ITSN2: variants seen among roughly 807,000 people sequenced by gnomAD.
The protein encoded by ITSN2 is intersectin-2.
In ITSN2, 156 loss-of-function variants were observed where a neutral mutation model predicts 243.7. The ratio of observed to expected loss-of-function variants is 0.64; its 90% confidence interval spans 0.56 to 0.73. The LOEUF is 0.73. ITSN2 is among the 30% of genes least tolerant of loss of function. The pLI is 0.00. For missense variants in ITSN2, 1,801 were observed against 1,996.1 expected (o/e 0.90, Z 1.86); for synonymous variants, 703 against 699.9 (o/e 1.00, Z -0.07).
intron 2 of ITSN2, among the ~76,000 whole-genome samples, chr2:24,319,445 C>T (rs779694304): frequency 2.6e-5 from 4 of 152,160 alleles, no homozygotes; most frequent in Non-Finnish European, 1.5e-5. Context: ...AGTCTGCCAT[C>T]CCCCATCAGG....
intron 37 of ITSN2, chr2:24,205,557 T>C: frequency 2.4e-6 from 1 of 423,834 alleles, no homozygotes; most frequent in Non-Finnish European, 4.5e-6. Flanking sequence ...TGATCCCACA[T>C]CTACCTCCCA....
intron 8 of ITSN2, among the ~76,000 whole-genome samples, chr2:24,307,047 G>C (rs1682644083): frequency 6.6e-6 from 1 of 152,092 alleles, no homozygotes; most frequent in African/African-American, 2.4e-5. Context: ...CTCATGATCT[G>C]TCTGCCCCAG....
At chr2:24,349,802 T>C (rs115971800) in intron 1 of ITSN2, among the ~76,000 whole-genome samples, 242 of 152,312 alleles carry the variant, frequency 1.6e-3, no homozygotes, top group Middle Eastern at 3.4e-3. Context: ...ATTGTAGCAA[T>C]GTAACAAGTA....
At chr2:24,342,899 TGG>T (rs1205212204) in intron 1 of ITSN2, among the ~76,000 whole-genome samples, 1 of 151,848 alleles carries the variant, frequency 6.6e-6, no homozygotes. Flanking sequence ...AAGACCAGCC[TGG>T]GCAACACAGT....
At chr2:24,288,639 ATACT>A (rs982600746) in intron 15 of ITSN2, among the ~76,000 whole-genome samples, 5 of 152,154 alleles carry the variant, frequency 3.3e-5, no homozygotes, top group African/African-American at 1.2e-4. Flanking sequence ...TTAACCTCAC[ATACT>A]TACCTCACAT....
chr2:24,311,659 T>G (rs915609359), intron 5 of ITSN2: 1 of 167,058 alleles, frequency 6.0e-6, no homozygotes, highest in Non-Finnish European at 1.5e-5. Flanking sequence ...TTATAAGAAA[T>G]TGCCTGATCA....
chr2:24,293,615 A>G (rs1680562972), intron 15 of ITSN2, 73 bp downstream of exon 15: 1 of 594,192 alleles, frequency 1.7e-6, no homozygotes, highest in Non-Finnish European at 3.0e-6. Flanking sequence ...TTTAATTTTA[A>G]AAAAGTAACA....
chr2:24,268,577 G>A (rs181175155), intron 20 of ITSN2, among the ~76,000 whole-genome samples: 1 of 152,234 alleles, frequency 6.6e-6, no homozygotes, highest in East Asian at 1.9e-4. Flanking sequence ...ATACACAGAT[G>A]TGTACACATT....
chr2:24,267,952 C>T (rs1424275212), intron 20 of ITSN2, among the ~76,000 whole-genome samples: 1 of 152,124 alleles, frequency 6.6e-6, no homozygotes, highest in African/African-American at 2.4e-5. Context: ...TGTAGTTAGG[C>T]CAAGTTGTTT....
intron 1 of ITSN2, among the ~76,000 whole-genome samples, chr2:24,344,110 A>C (rs1028647838): frequency 6.6e-6 from 1 of 152,234 alleles, no homozygotes; most frequent in Non-Finnish European, 1.5e-5. Context: ...CATATTACAG[A>C]TATCCTTCCA....
At position 24,220,793 on chromosome 2, in the gene ITSN2, ATG is replaced by A. The variant is rs1573899424; in HGVS notation, c.3699+150_3699+151del. ...GGCAGGCAGAGACAGCATTTGGAGG[ATG>A]TGAGAGCTTCCGTCACTATTTGTGA... On this transcript the variant is annotated intron_variant, in intron 30 of 39. Coordinates refer to ENST00000355123, the MANE Select transcript of ITSN2 (RefSeq NM_006277.3). 6 of 1,430,946 alleles carry A rather than the reference ATG, an allele frequency of 4.2e-6. No individual in the cohort carries two copies. The East Asian group carries it at 1.6e-4, about 39-fold the overall frequency. 88.6% of individuals were successfully genotyped at this position (1,430,946 alleles called of 1,614,324 possible).
intron 18 of ITSN2, among the ~76,000 whole-genome samples, chr2:24,272,235 A>G (rs551603903): frequency 1.3e-5 from 2 of 152,250 alleles, no homozygotes; most frequent in East Asian, 1.9e-4. Context: ...AGAAAAAAAG[A>G]AAAAGGTTGA....
chr2:24,256,321 G>A (rs1382743132), intron 23 of ITSN2, among the ~76,000 whole-genome samples: 1 of 152,228 alleles, frequency 6.6e-6, no homozygotes, highest in Non-Finnish European at 1.5e-5. Context: ...ACTCAGCAGT[G>A]AAAGGGTCTT....
At chr2:24,254,697 G>GC (rs1226106908) in intron 23 of ITSN2, among the ~76,000 whole-genome samples, 1 of 151,570 alleles carries the variant, frequency 6.6e-6, no homozygotes, top group East Asian at 1.9e-4. Context: ...GAGATATTTC[G>GC]CCTTTCTAAA....
At chr2:24,359,633 AAAAT>A (rs1023150467) in intron 1 of ITSN2, among the ~76,000 whole-genome samples, 8 of 152,158 alleles carry the variant, frequency 5.3e-5, no homozygotes, top group South Asian at 2.1e-4. Flanking sequence ...GACGTCTTTA[AAAAT>A]AAATAAATAA....
chr2:24,216,196 C>T lies in ITSN2; in HGVS notation c.3843G>A (p.Lys1281=). The change falls in exon 32 of 40, where the codon AAG becomes AAA. Residue 1281 remains lysine (K), a synonymous_variant. Coordinates refer to ENST00000355123, the MANE Select transcript of ITSN2 (RefSeq NM_006277.3). ...LRVRKKTGGE[K]MPVQMIGDIL... ...TGTCCCCAATCATCTGCACCGGCAT[C>T]TTCTCGCCCCCGGTCTTCTTCCGCA... 4.3e-6 allele frequency: 7 copies of T among 1,609,264 alleles called. No individual in the cohort carries two copies. The highest frequency in any genetic ancestry group is 5.9e-6 in the Non-Finnish European group (7 of 1,177,726).
At chr2:24,351,036 T>A (rs182935217) in intron 1 of ITSN2, among the ~76,000 whole-genome samples, 1 of 152,326 alleles carries the variant, frequency 6.6e-6, no homozygotes, top group Admixed American at 6.5e-5. Flanking sequence ...AAAAAATCTA[T>A]TCACGTGACA....
intron 2 of ITSN2, among the ~76,000 whole-genome samples, chr2:24,316,958 C>G (rs1249427791): frequency 6.6e-6 from 1 of 152,166 alleles, no homozygotes; most frequent in Non-Finnish European, 1.5e-5. Flanking sequence ...CCTGATAGTC[C>G]CATTTTGGGG....
At position 24,298,404 on chromosome 2, in the gene ITSN2, C is replaced by T. The variant is rs190297722; in HGVS notation, c.1494+261G>A. Among the ~76,000 whole-genome samples, 388 of 152,166 alleles carry T rather than the reference C, an allele frequency of 2.5e-3. 2 individuals are homozygous for T. Among genetic ancestry groups the T allele is most frequent in the African/African-American group, 8.9e-3 (369 of 41,520 alleles). ...AACTCCTGACCTCGTGATCCACCCA[C>T]CTCAGCCTCCCAAAGCGTTGGGATT... On this transcript the variant is annotated intron_variant, in intron 13 of 39. Coordinates refer to ENST00000355123, the MANE Select transcript of ITSN2 (RefSeq NM_006277.3).
Sources: gnomAD v4.1 joint callset for allele counts (sites outside exome capture counted in the v4.1 genomes callset) on GRCh38, gnomAD v4.1.1 for gene constraint, MANE v1.5 for transcripts, NCBI Gene and HGNC (gene_info 2026-07-23, HGNC 2026-07-21) for gene names.